Variants in DRICH1 observed in about 807,000 individuals in gnomAD.
DRICH1 encodes aspartate rich 1, also known as aspartate-rich protein 1.
In DRICH1, 38 loss-of-function variants were observed where a neutral mutation model predicts 39.5. The observed-to-expected ratio is 0.96, with a 90% CI of 0.74 to 1.26. DRICH1 has a LOEUF of 1.26. Ranked by LOEUF, DRICH1 falls within the 50% of genes most tolerant of loss-of-function variation. The pLI, the probability that DRICH1 is intolerant of heterozygous loss-of-function variation, is 0.00. For missense variants in DRICH1, 279 were observed against 270.4 expected (o/e 1.03, Z -0.22); for synonymous variants, 84 against 99.5 (o/e 0.84, Z 0.93).
the DRICH1 span, among the ~76,000 whole-genome samples, chr22:23,592,203 G>A: frequency 3.3e-5 from 5 of 152,230 alleles, no homozygotes; most frequent in African/African-American, 1.2e-4. Context: ...CAATGGGGGT[G>A]TCTGAGGAAG....
chr22:23,626,964 T>C (rs1797298453), intron 1 of DRICH1, among the ~76,000 whole-genome samples: 1 of 152,114 alleles, frequency 6.6e-6, no homozygotes, highest in African/African-American at 2.4e-5. Flanking sequence ...TCAGCCAGGC[T>C]CACAGCAGAT....
At chr22:23,588,914 C>T in the DRICH1 span, among the ~76,000 whole-genome samples, 2 of 152,102 alleles carry the variant, frequency 1.3e-5, no homozygotes, top group Non-Finnish European at 2.9e-5. Flanking sequence ...GGCATTTCTG[C>T]ACACTTCCTC....
chr22:23,583,857 T>C, the DRICH1 span: 1 of 152,432 alleles, frequency 6.6e-6, no homozygotes, highest in East Asian at 1.9e-4. Flanking sequence ...CTGAAGCTGC[T>C]CCCTCCCCAG....
chr22:23,617,853 G>A lies in DRICH1; in HGVS notation c.437-196C>T, dbSNP rs1419796809. Among the ~76,000 whole-genome samples the A allele has an allele frequency of 2.6e-5, 4 of 152,158 alleles. No individual in the cohort carries two copies. In the East Asian group the frequency reaches 7.7e-4, roughly 29 times the overall value. On this transcript the variant is annotated intron_variant, in intron 6 of 11. Transcript: ENST00000317749. ...GGCCTTGTACTAGAGGCATCACGCA[G>A]CAACACAAAACAGTCAACCCCAAAT...
chr22:23,607,510 C>T (rs928529730), downstream of DRICH1, among the ~76,000 whole-genome samples: 1 of 146,718 alleles, frequency 6.8e-6, no homozygotes, highest in Non-Finnish European at 1.5e-5. Context: ...CTGCCTTGGC[C>T]GTGGCCATGT....
chr22:23,628,152 G>A (rs1928180884), intron 1 of DRICH1, among the ~76,000 whole-genome samples: 1 of 152,224 alleles, frequency 6.6e-6, no homozygotes, highest in Non-Finnish European at 1.5e-5. Flanking sequence ...CTGGACTCTG[G>A]AATCAGTCCC....
the DRICH1 span, among the ~76,000 whole-genome samples, chr22:23,599,607 G>A: frequency 6.6e-6 from 1 of 152,162 alleles, no homozygotes; most frequent in Non-Finnish European, 1.5e-5. Flanking sequence ...GGGGGCCCAT[G>A]TGCACCTGCC....
At chr22:23,589,089 G>GACAC in the DRICH1 span, among the ~76,000 whole-genome samples, 2,563 of 143,854 alleles carry the variant, frequency 0.018, 39 homozygotes, top group South Asian at 0.04. Context: ...TCTCCCAGCT[G>GACAC]ACACACACAC....
At chr22:23,598,358 C>T in the DRICH1 span, among the ~76,000 whole-genome samples, 1 of 149,616 alleles carries the variant, frequency 6.7e-6, no homozygotes, top group Admixed American at 6.6e-5. Context: ...AGGTGAGGGT[C>T]CCCGTGGGCC....
the DRICH1 span, among the ~76,000 whole-genome samples, chr22:23,590,016 T>G: frequency 1.3e-5 from 2 of 152,108 alleles, no homozygotes; most frequent in Non-Finnish European, 2.9e-5. Context: ...TTCTCTGGCA[T>G]AAGGAGCCCA....
the DRICH1 span, among the ~76,000 whole-genome samples, chr22:23,587,398 C>A: frequency 6.6e-6 from 1 of 152,216 alleles, no homozygotes; most frequent in South Asian, 2.1e-4. Flanking sequence ...CTGCCCTTTC[C>A]CCCAGTTGGC....
chr22:23,606,214 T>C (rs1433085325), downstream of DRICH1, among the ~76,000 whole-genome samples: 1 of 152,096 alleles, frequency 6.6e-6, no homozygotes, highest in Admixed American at 6.5e-5. Flanking sequence ...GCTTGTCTCC[T>C]CCACAGGCCT....
the DRICH1 span, among the ~76,000 whole-genome samples, chr22:23,603,006 C>CTTTTTTTTTTTTTTTTTTTTTTTT: frequency 7.7e-6 from 1 of 130,026 alleles, no homozygotes; most frequent in Non-Finnish European, 1.7e-5. Flanking sequence ...AACACATTTA[C>CTTTTTTTTTTTTTTTTTTTTTTTT]TTTTTTTTTT....
chr22:23,614,358 G>A, intron 8 of DRICH1, 144 bp from the exon 9 acceptor site: 1 of 641,930 alleles, frequency 1.6e-6, no homozygotes, highest in Non-Finnish European at 2.8e-6. Flanking sequence ...CTGAGTGGAA[G>A]AGGGATGGCA....
At chr22:23,592,002 C>T in the DRICH1 span, among the ~76,000 whole-genome samples, 7 of 152,168 alleles carry the variant, frequency 4.6e-5, no homozygotes, top group African/African-American at 1.7e-4. Context: ...AGGACTCCCC[C>T]AAACCTCCAG....
the DRICH1 span, among the ~76,000 whole-genome samples, chr22:23,589,101 C>T: frequency 6.7e-6 from 1 of 149,226 alleles, no homozygotes; most frequent in South Asian, 2.1e-4. Context: ...CACACACACA[C>T]ACACACACAC....
chr22:23,613,252 T>C (rs753312708), intron 11 of DRICH1, 37 bp downstream of exon 11: 1 of 1,561,972 alleles, frequency 6.4e-7, no homozygotes, highest in African/African-American at 1.4e-5. Context: ...CTGGGAACCT[T>C]TTCCCATTGG....
At chr22:23,623,272 G>A (rs1927875863) in intron 3 of DRICH1, among the ~76,000 whole-genome samples, 1 of 152,120 alleles carries the variant, frequency 6.6e-6, no homozygotes. Flanking sequence ...AGGCATGGTG[G>A]CACATGACTG....
the DRICH1 span, among the ~76,000 whole-genome samples, chr22:23,596,114 C>G: frequency 2.0e-5 from 3 of 152,184 alleles, no homozygotes; most frequent in East Asian, 3.8e-4. Flanking sequence ...ACAGAGTCTT[C>G]CACAGTGGGT....
Sources: allele counts gnomAD v4.1 joint callset (sites outside exome capture counted in the v4.1 genomes callset), GRCh38; gene constraint gnomAD v4.1.1; transcripts MANE v1.5; gene names NCBI Gene and HGNC (gene_info 2026-07-23, HGNC 2026-07-21).